LRRC61: variants seen among roughly 807,000 people sequenced by gnomAD.
The protein encoded by LRRC61 is leucine-rich repeat-containing protein 61.
LRRC61 carries 9 observed loss-of-function variants against 15.1 expected under a neutral mutation model. The observed-to-expected ratio is 0.60, with a 90% CI of 0.36 to 1.04. The LOEUF (loss-of-function observed/expected upper bound fraction) is 1.04, where lower values mean the gene tolerates loss of function less well. LRRC61 is among the 50% of genes least tolerant of loss of function. The probability of loss-of-function intolerance (pLI) is 0.01; values close to 1 mark genes in which losing one functional copy is unlikely to be tolerated. For synonymous variants in LRRC61, 173 were observed against 158.6 expected, an observed-to-expected ratio of 1.09 and a Z score of -0.68; for missense variants, 344 against 335.6, an observed-to-expected ratio of 1.03 and a Z score of -0.20.
rs368264555 is a variant in LRRC61 at position 150,334,772 on chromosome 7, C to G, written c.-144-1946C>G. On this transcript the variant is annotated intron_variant, in intron 2 of 2. Coordinates refer to ENST00000359623, the MANE Select transcript of LRRC61 (RefSeq NM_001142928.2). ...GTGGCTCACGCCTGTAATCCCAACACTTTGGGAGGCCGAGGCAGGGGGCAT... is the reference window on the plus strand; with the variant it reads ...GTGGCTCACGCCTGTAATCCCAACAGTTTGGGAGGCCGAGGCAGGGGGCAT... 6.5e-4 allele frequency among the ~76,000 whole-genome samples: 99 copies of G among 152,336 alleles called. No homozygotes were observed. The East Asian group carries it at 0.015, about 24-fold the overall frequency.
rs566426524 is a variant in LRRC61, at chr7:150,331,050, TG to T, written c.-145+5043del. 142 of 1,612,348 alleles carry T rather than the reference TG, an allele frequency of 8.8e-5. 2 individuals are homozygous for T. The South Asian group carries it at 1.4e-3, about 16-fold the overall frequency. Reference sequence around the variant, plus strand: ...AGCCCAGGATGACCCCCTGGCTTACTGGGAGAAGAAGCGAGAAGCCTGGCCA... The same window carrying T: ...AGCCCAGGATGACCCCCTGGCTTACTGGAGAAGAAGCGAGAAGCCTGGCCA... On this transcript the variant is annotated intron_variant, in intron 2 of 2. Transcript: ENST00000359623.
Position 150,330,381 on chromosome 7 carries a change from A to AG in LRRC61, c.-145+4372dup, listed in dbSNP as rs752518080. The AG allele has an allele frequency of 1.3e-6, 1 of 764,508 alleles. No individual in the cohort carries two copies. The highest frequency in any genetic ancestry group is 2.4e-5 in the East Asian group (1 of 41,206). 47.4% of individuals were successfully genotyped at this position (764,508 alleles called of 1,614,324 possible). The stretch of plus-strand genomic sequence containing the variant: ...ATTCTGGAGCCCGGCAGACAGCCTC[A>AG]GCAAGCTCCTGTAGCCCTTCCAGAT... On this transcript the variant is annotated intron_variant, in intron 2 of 2. Transcript: ENST00000359623. The surrounding 1 kb of genome is among the most constrained non-coding windows in gnomAD (Gnocchi z 4.6).
At position 150,330,793 on chromosome 7, in the gene LRRC61, G is replaced by T. The variant is rs1423069228; in HGVS notation, c.-145+4783G>T. 1.2e-6 allele frequency: 2 copies of T among 1,613,278 alleles called. No homozygotes were observed. The highest frequency in any genetic ancestry group is 4.5e-5 in the East Asian group (2 of 44,884). ...CCCCTGCAAAGCCCCAGGGGTCTGT[G>T]CGTGGACCCCACCAGGGTAGCCAAG... On this transcript the variant is annotated intron_variant, in intron 2 of 2. Transcript: ENST00000359623. This position sits in a 1 kb window ranked among gnomAD's most constrained non-coding sequence, Gnocchi z 4.6.
the LRRC61 span, among the ~76,000 whole-genome samples, chr7:150,313,756 G>A: frequency 5.9e-5 from 9 of 152,194 alleles, no homozygotes; most frequent in Middle Eastern, 3.4e-3. Flanking sequence ...GGAGAGAGGG[G>A]GAGAGAGAGT....
intron 2 of LRRC61, among the ~76,000 whole-genome samples, chr7:150,329,079 T>TG: frequency 6.6e-6 from 1 of 152,224 alleles, no homozygotes; most frequent in South Asian, 2.1e-4. Context: ...ATTTTCAAGG[T>TG]CGGGGGGTTT....
Position 150,337,269 on chromosome 7 carries a change from C to T in LRRC61, c.408C>T (p.Leu136=). Reference sequence around the variant, plus strand: ...GGCTCCGAGACCCTTTGGCCCGGCTCAGCAACCCGCTCTGTGCCAACCCCT... The same window carrying T: ...GGCTCCGAGACCCTTTGGCCCGGCTTAGCAACCCGCTCTGTGCCAACCCCT... ...YLRLRDPLAR[L]SNPLCANPSY... Residue 136 remains leucine, a synonymous_variant, in exon 3 of 3, where the codon CTC becomes CTT. Transcript: ENST00000359623. 1 of 1,603,544 alleles carries T rather than the reference C, an allele frequency of 6.2e-7. No homozygotes were observed. The highest frequency in any genetic ancestry group is 8.5e-7 in the Non-Finnish European group (1 of 1,179,900).
At chr7:150,321,115 T>C (rs1291890955), upstream of LRRC61, among the ~76,000 whole-genome samples, 1 of 152,190 alleles carries the variant, frequency 6.6e-6, no homozygotes, top group Non-Finnish European at 1.5e-5. Flanking sequence ...TGGTATCTGA[T>C]CACCTCGGCT....
rs1563230463 is a variant in LRRC61, at chr7:150,337,479, G to A, written c.618G>A (p.Glu206=). 6.2e-7 allele frequency: 1 copy of A among 1,602,966 alleles called. No individual in the cohort carries two copies. The highest frequency in any genetic ancestry group is 1.3e-5 in the African/African-American group (1 of 74,908). ...CCTGGGTGGAGCCAGGCTACTGGGA[G>A]TCCTGGCCCAGCCGGAGCAGCTCCA... ...AQPWVEPGYW[E]SWPSRSSSIL... The change falls in exon 3 of 3, where the codon GAG becomes GAA. Residue 206 remains glutamate, a synonymous_variant. Transcript: ENST00000359623.
In LRRC61 at chr7:150,337,524, G is replaced by A. The variant is rs1045123988; in HGVS notation, c.663G>A (p.Arg221=). 1.2e-6 allele frequency: 2 copies of A among 1,603,840 alleles called. No individual in the cohort carries two copies. Among genetic ancestry groups the A allele is most frequent in the Non-Finnish European group, 1.7e-6 (2 of 1,178,700 alleles). The change falls in exon 3 of 3, where the codon CGG becomes CGA. Residue 221 remains arginine (R), a synonymous_variant. Transcript: ENST00000359623. ...RSSSILEEAC[R]QFQDTLQECW... ...GCTCCATCCTGGAGGAGGCCTGCCG[G>A]CAGTTCCAGGACACACTGCAGGAGT...
chr7:150,321,741 AAAAAAT>A (rs1041091855), upstream of LRRC61, among the ~76,000 whole-genome samples: 2 of 152,224 alleles, frequency 1.3e-5, no homozygotes, highest in Admixed American at 6.5e-5. Context: ...CTCCATCTCA[AAAAAAT>A]AAAAATAAAA....
chr7:150,330,904 A>C lies in LRRC61; in HGVS notation c.-145+4894A>C, dbSNP rs1470436904. 6 of 1,612,466 alleles carry C rather than the reference A, an allele frequency of 3.7e-6. No individual in the cohort carries two copies. In the South Asian group the frequency reaches 6.6e-5, roughly 18 times the overall value. On this transcript the variant is annotated intron_variant, in intron 2 of 2. Coordinates refer to ENST00000359623, the MANE Select transcript of LRRC61 (RefSeq NM_001142928.2). The surrounding 1 kb of genome is among the most constrained non-coding windows in gnomAD (Gnocchi z 4.6). The stretch of plus-strand genomic sequence containing the variant: ...GCCTTCCTGCTGGCCCAGAGGGAGA[A>C]GGGCTTGCTGGAGAGCATGGGGCTG...
At chr7:150,324,190 G>A (rs1000415450) in intron 1 of LRRC61, among the ~76,000 whole-genome samples, 3 of 152,134 alleles carry the variant, frequency 2.0e-5, no homozygotes, top group African/African-American at 7.2e-5. Flanking sequence ...TGAGACTTGA[G>A]GGCCCAGCAG....
At chr7:150,314,581 T>A in the LRRC61 span, among the ~76,000 whole-genome samples, 1 of 151,998 alleles carries the variant, frequency 6.6e-6, no homozygotes, top group Non-Finnish European at 1.5e-5. Context: ...CTTTGAGGTG[T>A]TTTTTGTGGG....
At chr7:150,328,167 G>C (rs1798003379) in intron 2 of LRRC61, among the ~76,000 whole-genome samples, 1 of 152,186 alleles carries the variant, frequency 6.6e-6, no homozygotes, top group African/African-American at 2.4e-5. Flanking sequence ...TAGGTGAATG[G>C]AGAAGAAGGT....
At position 150,330,322 on chromosome 7, in the gene LRRC61, A is replaced by T. The variant is rs1420948157; in HGVS notation, c.-145+4312A>T. ...CTTCAAGAGTACAAGGGCAGGCACC[A>T]GCTGGGGAAGGCTGGTGTTGCCTTG... is the stretch of plus-strand genomic sequence containing the variant. On this transcript the variant is annotated intron_variant, in intron 2 of 2. Transcript: ENST00000359623. This position sits in a 1 kb window ranked among gnomAD's most constrained non-coding sequence, Gnocchi z 4.6. 4 of 725,582 alleles carry T rather than the reference A, an allele frequency of 5.5e-6. No homozygotes were observed. In the South Asian group the frequency reaches 5.9e-5, roughly 11 times the overall value. 44.9% of individuals were successfully genotyped at this position (725,582 alleles called of 1,614,324 possible).
intron 2 of LRRC61, among the ~76,000 whole-genome samples, chr7:150,329,510 G>C (rs771958812): frequency 6.6e-6 from 1 of 152,120 alleles, no homozygotes; most frequent in Admixed American, 6.5e-5. Flanking sequence ...GCCTGTCTCC[G>C]CCACCCATTG....
Position 150,333,730 on chromosome 7 carries a change from C to T in LRRC61, c.-144-2988C>T, listed in dbSNP as rs115773203. On this transcript the variant is annotated intron_variant, in intron 2 of 2. Transcript: ENST00000359623. The surrounding 1 kb of genome is among the most constrained non-coding windows in gnomAD (Gnocchi z 4.3). ...TTCATTTCCATAGTTAGGACAAGGA[C>T]GGCTCCTTCTGGAGGAGTGCTGAAG... 2.5e-3 allele frequency among the ~76,000 whole-genome samples: 384 copies of T among 152,306 alleles called. 2 individuals carry two copies. The highest frequency in any genetic ancestry group is 9.0e-3 in the African/African-American group (376 of 41,578).
Position 150,336,723 on chromosome 7 carries a change from G to T in LRRC61, c.-139G>T. 1 of 1,148,480 alleles carries T rather than the reference G, an allele frequency of 8.7e-7. No homozygotes were observed. The highest frequency in any genetic ancestry group is 1.2e-6 in the Non-Finnish European group (1 of 817,290). 71.1% of individuals were successfully genotyped at this position (1,148,480 alleles called of 1,614,324 possible). A position where few individuals can be genotyped will look rare whatever the true frequency, so the allele number is the denominator to read the frequency against. Reference sequence around the variant, plus strand: ...GACTGACTGTCTCTCCTCAGGGACTGGCTGGCTTCGAGCAGGGCATCGGAA... The same window carrying T: ...GACTGACTGTCTCTCCTCAGGGACTTGCTGGCTTCGAGCAGGGCATCGGAA... On this transcript the variant is annotated 5_prime_UTR_variant, in exon 3 of 3. Transcript: ENST00000359623.
At chr7:150,322,004 C>T (rs1797565726), upstream of LRRC61, among the ~76,000 whole-genome samples, 1 of 152,220 alleles carries the variant, frequency 6.6e-6, no homozygotes, top group African/African-American at 2.4e-5. Flanking sequence ...GCCAGGGAGA[C>T]AAAAGTTGTT....
Sources: gnomAD v4.1 joint callset for allele counts (sites outside exome capture counted in the v4.1 genomes callset) on GRCh38, gnomAD v4.1.1 for gene constraint, Gnocchi (gnomAD v3.1) non-coding constraint, MANE v1.5 for transcripts, NCBI Gene and HGNC (gene_info 2026-07-23, HGNC 2026-07-21) for gene names.